The following DMAC2 variants were observed in gnomAD, a reference collection of about 807,000 sequenced individuals.
DMAC2 encodes distal membrane-arm assembly complex protein 2.
In DMAC2, 32 loss-of-function variants were observed where a neutral mutation model predicts 29.6. The ratio of observed to expected loss-of-function variants is 1.08; its 90% CI spans 0.81 to 1.45. The LOEUF is 1.45. Among genes scored for constraint, DMAC2 ranks in the 40% most tolerant of loss-of-function variants. The pLI, the probability that DMAC2 is intolerant of heterozygous loss-of-function variation, is 0.00. For synonymous variants in DMAC2, 133 were observed against 137.4 expected, an observed-to-expected ratio of 0.97 and a Z score of 0.23; for missense variants, 319 against 340.0, an observed-to-expected ratio of 0.94 and a Z score of 0.49.
At chr19:41,432,775 A>C in intron 5 of DMAC2, 1 of 367,370 alleles carries the variant, frequency 2.7e-6, no homozygotes. Flanking sequence ...GAGGTACAGG[A>C]CAGCGTGCGT....
intron 3 of DMAC2, among the ~76,000 whole-genome samples, chr19:41,434,332 C>A (rs1230892083): frequency 6.9e-6 from 1 of 145,620 alleles, no homozygotes; most frequent in African/African-American, 2.6e-5. Flanking sequence ...AGCTTGAACC[C>A]AGGAGGTCGA....
Position 41,438,405 on chromosome 19 carries a change from G to C in DMAC2, c.28C>G (p.Leu10Val). MAAPWASLR[L>V]VAPMWNGRIR... ...CGCCCATTCCACATGGGGGCGACCA[G>C]GCGCAGGGACTGGGGAGGGGGAGAG... The change falls in exon 2 of 6, where the codon CTG becomes GTG. Residue 10 changes from leucine to valine, a missense_variant. Leu to Val is a conservative substitution (Grantham distance 32). Transcript: ENST00000221943. 6.2e-7 allele frequency: 1 copy of C among 1,613,504 alleles called. No homozygotes were observed. Among genetic ancestry groups the C allele is most frequent in the Non-Finnish European group, 8.5e-7 (1 of 1,179,750 alleles).
At chr19:41,432,566 T>C (rs538629185) in intron 5 of DMAC2, 158 bp from the exon 6 acceptor site, 592 of 629,302 alleles carry the variant, frequency 9.4e-4, no homozygotes, top group South Asian at 7.8e-4. Flanking sequence ...GGACAGTGTG[T>C]GCGTGTGTGT....
rs782147616 is a variant in DMAC2 at position 41,433,570 on chromosome 19, A to C, written c.400T>G (p.Cys134Gly). Reference sequence around the variant, plus strand: ...TCCAGGCCCTCGTAGTTGATGTCACAGTCACCGGCATCCACAGCTTCGACA... The same window carrying C: ...TCCAGGCCCTCGTAGTTGATGTCACCGTCACCGGCATCCACAGCTTCGACA... ...VPVEAVDAGD[C>G]DINYEGLDNL... Residue 134 changes from cysteine (C) to glycine (G), a missense_variant, in exon 4 of 6, where the codon TGT becomes GGT. Physicochemically the swap from Cys to Gly is radical, Grantham distance 159. Transcript: ENST00000221943. 9 of 1,614,054 alleles carry C rather than the reference A, an allele frequency of 5.6e-6. No individual in the cohort carries two copies. The African/African-American group carries it at 1.2e-4, about 22-fold the overall frequency.
intron 2 of DMAC2, among the ~76,000 whole-genome samples, chr19:41,437,098 TTA>T (rs2039904586): frequency 6.6e-6 from 1 of 152,092 alleles, no homozygotes; most frequent in Middle Eastern, 3.2e-3. Context: ...GCTTTGTAGA[TTA>T]TAAAAAACTA....
intron 5 of DMAC2, chr19:41,432,783 CGTGTGTGTGT>C (rs374254190): frequency 0.058 from 17,507 of 303,140 alleles, 396 homozygotes; most frequent in Middle Eastern, 0.09. Context: ...GGACAGCGTG[CGTGTGTGTGT>C]GTGTGTGTGT....
rs1043413 is a variant in DMAC2 at position 41,433,392 on chromosome 19, C to A, written c.476G>T (p.Cys159Phe). The change falls in exon 5 of 6, where the codon TGC (cysteine) becomes TTC (phenylalanine). Residue 159 changes from cysteine to phenylalanine, a missense_variant. Coordinates refer to ENST00000221943, the MANE Select transcript of DMAC2 (RefSeq NM_018035.3). The stretch of plus-strand genomic sequence containing the variant: ...GCTGAGACACCAGTCGTCCACGTGG[C>A]AGCAGCGCTGCAGCGACAAGGACTG... ...ELQSLSLQRC[C>F]HVDDWCLSRL... The A allele has an allele frequency of 1.9e-6, 3 of 1,613,196 alleles. No homozygotes were observed. The highest frequency in any genetic ancestry group is 2.5e-6 in the Non-Finnish European group (3 of 1,179,864).
chr19:41,433,320 C>T lies in DMAC2; in HGVS notation c.548G>A (p.Gly183Asp), dbSNP rs1194175164. 2 of 1,611,400 alleles carry T rather than the reference C, an allele frequency of 1.2e-6. No homozygotes were observed. Among genetic ancestry groups the T allele is most frequent in the Admixed American group, 1.7e-5 (1 of 59,974 alleles). Residue 183 changes from glycine to aspartate, a missense_variant, in exon 5 of 6, where the codon GGT becomes GAT. Physicochemically the swap from Gly to Asp is moderately conservative, Grantham distance 94 (BLOSUM62 -1). Transcript: ENST00000221943. ...GCCCCGTTCGGAGATGCGGGGGCAA[C>T]CGGCCAGCGAGAGCTCCTGCAACGA... ...ADSLQELSLA[G>D]CPRISERGLA...
At chr19:41,432,846 T>G (rs1555769807) in intron 5 of DMAC2, 1 of 456,690 alleles carries the variant, frequency 2.2e-6, no homozygotes. Context: ...AATTTCAACC[T>G]TACAGGACAG....
At chr19:41,436,348 C>A (rs373332877) in intron 3 of DMAC2, 44 bp downstream of exon 3, 1 of 1,557,740 alleles carries the variant, frequency 6.4e-7, no homozygotes, top group Non-Finnish European at 8.9e-7. Flanking sequence ...AGAGAGATAC[C>A]CCACCACCTG....
intron 5 of DMAC2, 182 bp from the exon 6 acceptor site, chr19:41,432,590 T>C: frequency 1.7e-6 from 1 of 578,262 alleles, no homozygotes; most frequent in South Asian, 1.9e-5. Context: ...TGTGTGTGTA[T>C]AGGGAGGTAA....
At chr19:41,439,354 C>T (rs1600036952) in intron 1 of DMAC2, 3 of 626,306 alleles carry the variant, frequency 4.8e-6, no homozygotes, top group Non-Finnish European at 8.1e-6. Flanking sequence ...CTCAAATTCT[C>T]CTCTTAATTT....
chr19:41,433,926 C>T (rs1463733539), intron 3 of DMAC2, among the ~76,000 whole-genome samples: 11 of 150,532 alleles, frequency 7.3e-5, no homozygotes, highest in Non-Finnish European at 1.3e-4. Context: ...AGTGAGACCT[C>T]GTCCCTATGA....
At chr19:41,438,499 C>T (rs2039990285) in intron 1 of DMAC2, 85 bp from the exon 2 acceptor site, 4 of 1,129,468 alleles carry the variant, frequency 3.5e-6, no homozygotes, top group Non-Finnish European at 4.9e-6. Flanking sequence ...CTCCATGAAC[C>T]TCAATCCCTC....
chr19:41,438,751 A>G (rs192392335), intron 1 of DMAC2, among the ~76,000 whole-genome samples: 27 of 152,002 alleles, frequency 1.8e-4, no homozygotes, highest in African/African-American at 5.1e-4. Context: ...TAATTACCCA[A>G]TTCTTCTGCT....
At chr19:41,436,356 C>T in intron 3 of DMAC2, 36 bp downstream of exon 3, 1 of 1,589,452 alleles carries the variant, frequency 6.3e-7, no homozygotes, top group Non-Finnish European at 8.6e-7. Flanking sequence ...ACCCCACCAC[C>T]TGCCCCAGCC....
In DMAC2 at chr19:41,432,494, G is replaced by A. The variant is rs549246014; in HGVS notation, c.597-86C>T. The A allele has an allele frequency of 7.0e-5, 94 of 1,352,078 alleles. No individual in the cohort carries two copies. In the East Asian group the frequency reaches 2.0e-3, roughly 28 times the overall value. 83.8% of individuals were successfully genotyped at this position (1,352,078 alleles called of 1,614,324 possible). The stretch of plus-strand genomic sequence containing the variant: ...GAGGTACAGGACAGCGTGTGCGTGT[G>A]TGTGTGTGTATAGGCAGGTAAGCCA... On this transcript the variant is annotated intron_variant, in intron 5 of 5. Coordinates refer to ENST00000221943, the MANE Select transcript of DMAC2 (RefSeq NM_018035.3).
chr19:41,432,790 GT>G, intron 5 of DMAC2: 2 of 445,652 alleles, frequency 4.5e-6, no homozygotes, highest in Non-Finnish European at 7.9e-6. Flanking sequence ...GTGCGTGTGT[GT>G]GTGTGTGTGT....
rs1352724453 is a variant in DMAC2 at position 41,432,560 on chromosome 19, A to AGTGTGTGTGT, written c.597-153_597-152insACACACACAC. The AGTGTGTGTGT allele has an allele frequency of 6.6e-6, 4 of 602,682 alleles. No homozygotes were observed. The African/African-American group carries it at 9.7e-5, about 15-fold the overall frequency. The allele number at this position is 602,682 out of a possible 1,614,324, so 37.3% of individuals were successfully genotyped here. A position where few individuals can be genotyped will look rare whatever the true frequency, so the allele number is the denominator to read the frequency against. On this transcript the variant is annotated intron_variant, in intron 5 of 5. Coordinates refer to ENST00000221943, the MANE Select transcript of DMAC2 (RefSeq NM_018035.3). ...GTGTGTGTATAGGGAGGTACAGGAC[A>AGTGTGTGTGT]GTGTGTGCGTGTGTGTGTGTGTGTG... is the stretch of plus-strand genomic sequence containing the variant.
Sources: gnomAD v4.1 joint callset for allele counts (sites outside exome capture counted in the v4.1 genomes callset) on GRCh38, gnomAD v4.1.1 for gene constraint, MANE v1.5 for transcripts, NCBI Gene and HGNC (gene_info 2026-07-23, HGNC 2026-07-21) for gene names.